SENP7: variants seen among roughly 807,000 people sequenced by gnomAD.
The protein encoded by SENP7 is sentrin-specific protease 7.
Under a neutral mutation model 141.2 loss-of-function variants are expected in SENP7, and 64 were observed. The observed-to-expected ratio is 0.45, with a 90% CI of 0.37 to 0.56. SENP7 has a LOEUF of 0.56. Among genes scored for constraint, SENP7 ranks in the 20% least tolerant of loss-of-function variants. The pLI is 0.00. For synonymous variants in SENP7, 382 were observed against 426.4 expected (o/e 0.90, Z 1.28); for missense variants, 1,025 against 1,212.2 (o/e 0.85, Z 2.29).
chr3:101,434,396 A>C (rs2062304754), intron 4 of SENP7, among the ~76,000 whole-genome samples: 1 of 152,048 alleles, frequency 6.6e-6, no homozygotes, highest in Non-Finnish European at 1.5e-5. Context: ...AGAGCAAACC[A>C]AACCCAAAAT....
chr3:101,368,335 T>C lies in SENP7; in HGVS notation c.797-324A>G, dbSNP rs186134921. Reference sequence around the variant, plus strand: ...GCTATAAATGCATTTGGCTGTACTATCAAAAAAAAAAGGGGATTAAGAAAA... The same window carrying C: ...GCTATAAATGCATTTGGCTGTACTACCAAAAAAAAAAGGGGATTAAGAAAA... On this transcript the variant is annotated intron_variant, in intron 7 of 23. Transcript: ENST00000394095. Among the ~76,000 whole-genome samples, 1,310 of 148,108 alleles carry C rather than the reference T, an allele frequency of 8.8e-3. 11 individuals carry two copies. Among genetic ancestry groups the C allele is most frequent in the Non-Finnish European group, 0.014 (967 of 67,112 alleles).
chr3:101,330,765 C>T (rs2059027630), intron 19 of SENP7, among the ~76,000 whole-genome samples: 1 of 152,204 alleles, frequency 6.6e-6, no homozygotes, highest in Non-Finnish European at 1.5e-5. Flanking sequence ...TGTAAGTACA[C>T]ATTTGAGGTT....
At chr3:101,497,106 T>C (rs1422689746) in intron 2 of SENP7, among the ~76,000 whole-genome samples, 1 of 152,108 alleles carries the variant, frequency 6.6e-6, no homozygotes, top group African/African-American at 2.4e-5. Flanking sequence ...AGTAAATATA[T>C]TGTAGATAAT....
chr3:101,427,375 A>G (rs918166227), intron 4 of SENP7, among the ~76,000 whole-genome samples: 2 of 151,738 alleles, frequency 1.3e-5, no homozygotes, highest in Non-Finnish European at 2.9e-5. Context: ...CTTTAGTCTC[A>G]GCTACTCGGG....
chr3:101,436,597 C>A (rs1164615610), intron 4 of SENP7, among the ~76,000 whole-genome samples: 1 of 150,026 alleles, frequency 6.7e-6, no homozygotes, highest in African/African-American at 2.5e-5. Flanking sequence ...ATAATGTGAG[C>A]AAAAAAATAG....
At chr3:101,428,089 T>G (rs973744290) in intron 4 of SENP7, among the ~76,000 whole-genome samples, 12 of 152,200 alleles carry the variant, frequency 7.9e-5, no homozygotes, top group African/African-American at 2.2e-4. Context: ...CTTTATCCAG[T>G]CTATCATTGA....
chr3:101,467,689 A>C (rs1430615326), intron 3 of SENP7, among the ~76,000 whole-genome samples: 1 of 152,204 alleles, frequency 6.6e-6, no homozygotes, highest in Non-Finnish European at 1.5e-5. Flanking sequence ...TCTACACCAA[A>C]ACCTCATCTG....
intron 3 of SENP7, among the ~76,000 whole-genome samples, chr3:101,486,975 A>T (rs1466514029): frequency 6.6e-6 from 1 of 152,230 alleles, no homozygotes; most frequent in Non-Finnish European, 1.5e-5. Flanking sequence ...CTATTCTTAT[A>T]TGAGACAAAA....
At chr3:101,440,674 G>C (rs1010697148) in intron 4 of SENP7, among the ~76,000 whole-genome samples, 3 of 148,606 alleles carry the variant, frequency 2.0e-5, no homozygotes, top group African/African-American at 7.5e-5. Context: ...ATTCTATAAT[G>C]ACAGTATTAG....
intron 5 of SENP7, among the ~76,000 whole-genome samples, chr3:101,407,624 T>C (rs1478485860): frequency 6.6e-6 from 1 of 152,080 alleles, no homozygotes; most frequent in African/African-American, 2.4e-5. Context: ...GGAAATCAAC[T>C]CTAAAAAGAA....
chr3:101,348,368 C>A (rs2059528126), intron 12 of SENP7, among the ~76,000 whole-genome samples: 1 of 151,998 alleles, frequency 6.6e-6, no homozygotes, highest in Non-Finnish European at 1.5e-5. Context: ...ATTAAATATT[C>A]ATAGCATAAA....
intron 13 of SENP7, among the ~76,000 whole-genome samples, chr3:101,345,154 G>A (rs2059426117): frequency 6.6e-6 from 1 of 152,058 alleles, no homozygotes; most frequent in Non-Finnish European, 1.5e-5. Flanking sequence ...GATGACTCCA[G>A]ATTTGTTCTT....
chr3:101,471,742 C>T (rs1002776712), intron 3 of SENP7, among the ~76,000 whole-genome samples: 5 of 152,154 alleles, frequency 3.3e-5, no homozygotes, highest in Non-Finnish European at 5.9e-5. Context: ...AAAATTTTTA[C>T]AATCTACCCA....
chr3:101,438,160 T>A (rs892567259), intron 4 of SENP7, among the ~76,000 whole-genome samples: 1 of 152,188 alleles, frequency 6.6e-6, no homozygotes. Flanking sequence ...ATGTTAACGA[T>A]AGCTAAAATA....
chr3:101,376,079 A>G (rs1490809380), intron 6 of SENP7, among the ~76,000 whole-genome samples: 2 of 152,210 alleles, frequency 1.3e-5, no homozygotes, highest in Non-Finnish European at 2.9e-5. Flanking sequence ...TTATGCTAAG[A>G]AAAAATAAGC....
intron 4 of SENP7, among the ~76,000 whole-genome samples, chr3:101,436,141 T>G (rs1304518296): frequency 6.6e-6 from 1 of 152,208 alleles, no homozygotes; most frequent in African/African-American, 2.4e-5. Context: ...TGAACTCATT[T>G]TTGACACAGG....
chr3:101,404,888 A>G (rs1433484813), intron 5 of SENP7, among the ~76,000 whole-genome samples: 1 of 152,174 alleles, frequency 6.6e-6, no homozygotes, highest in African/African-American at 2.4e-5. Context: ...ACAGTGAGAA[A>G]ACAATGTGAA....
At chr3:101,368,039 G>C (rs1177405361) in intron 7 of SENP7, 28 bp from the exon 8 acceptor site, 1 of 1,532,670 alleles carries the variant, frequency 6.5e-7, no homozygotes. Flanking sequence ...GCATAAATAT[G>C]GACAAAAAAG....
chr3:101,479,959 T>G (rs568785758), intron 3 of SENP7, among the ~76,000 whole-genome samples: 1 of 13,348 alleles, frequency 7.5e-5, no homozygotes, highest in African/African-American at 3.7e-4. Context: ...AAACTAGGAA[T>G]AAATTTAACC....
Sources: gnomAD v4.1 joint callset for allele counts (sites outside exome capture counted in the v4.1 genomes callset) on GRCh38, gnomAD v4.1.1 for gene constraint, MANE v1.5 for transcripts, NCBI Gene and HGNC (gene_info 2026-07-23, HGNC 2026-07-21) for gene names.